The following DRC1 variants were observed in gnomAD, a reference collection of about 807,000 sequenced individuals.
DRC1 encodes dynein regulatory complex subunit 1.
In DRC1, 74 loss-of-function variants were observed where a neutral mutation model predicts 98.7. The ratio of observed to expected loss-of-function variants is 0.75; its 90% CI spans 0.62 to 0.91. The LOEUF (loss-of-function observed/expected upper bound fraction) is 0.91, where lower values mean the gene tolerates loss of function less well. DRC1 is among the 40% of genes least tolerant of loss of function. The pLI is 0.00. For missense variants in DRC1, 875 were observed against 886.0 expected, an observed-to-expected ratio of 0.99 and a Z score of 0.16; for synonymous variants, 336 against 334.1, an observed-to-expected ratio of 1.01 and a Z score of -0.06.
Position 26,429,632 on chromosome 2 carries a change from T to A in DRC1, c.545T>A (p.Leu182Ter). ...NKLISELQQE[L>*]KTKDDQYVKD... is the part of the protein sequence containing the mutation. ...CTTTTACATGCTCTTTTCTAGGAGT[T>A]AAAAACAAAGGATGACCAGTATGTG... Residue 182 changes from leucine (L) to a stop codon, truncating the protein, a stop_gained, in exon 5 of 17, where the codon TTA becomes TAA. Coordinates refer to ENST00000288710, the MANE Select transcript of DRC1 (RefSeq NM_145038.5). LOFTEE classifies it high-confidence loss of function. The A allele has an allele frequency of 6.2e-7, 1 of 1,613,936 alleles. No homozygotes were observed. Among genetic ancestry groups the A allele is most frequent in the Admixed American group, 1.7e-5 (1 of 60,006 alleles).
chr2:26,426,586 C>T (rs113495998), intron 4 of DRC1, among the ~76,000 whole-genome samples: 9,073 of 151,922 alleles, frequency 0.06, 488 homozygotes, highest in African/African-American at 0.14. Context: ...AGGCTAGTCT[C>T]GAACTCCTGA....
At chr2:26,440,592 AT>A in intron 8 of DRC1, 75 bp downstream of exon 8, 1 of 1,469,644 alleles carries the variant, frequency 6.8e-7, no homozygotes, top group Non-Finnish European at 9.0e-7. Context: ...ACTTTTTTCT[AT>A]TGAAGGGGTA....
At position 26,454,478 on chromosome 2, in the gene DRC1, C is replaced by T. The variant is rs767041823; in HGVS notation, c.1920-169C>T. ...GGTACCGGTGGTACCGAGGCAGGAA[C>T]GTTGACAATAAGCATGCGTCCTTTC... On this transcript the variant is annotated intron_variant, in intron 14 of 16. Coordinates refer to ENST00000288710, the MANE Select transcript of DRC1 (RefSeq NM_145038.5). This position sits in a 1 kb window ranked among gnomAD's most constrained non-coding sequence, Gnocchi z 5.2. Among the ~76,000 whole-genome samples the T allele has an allele frequency of 6.6e-6, 1 of 152,068 alleles. No individual in the cohort carries two copies. The highest frequency in any genetic ancestry group is 2.4e-5 in the African/African-American group (1 of 41,390).
intron 13 of DRC1, among the ~76,000 whole-genome samples, chr2:26,452,383 GT>G (rs1452283196): frequency 6.6e-6 from 1 of 152,176 alleles, no homozygotes; most frequent in East Asian, 1.9e-4. Context: ...AGCCTCCTGA[GT>G]AGCTGGGATT....
chr2:26,436,707 T>C (rs1266044819), intron 7 of DRC1, among the ~76,000 whole-genome samples: 1 of 152,018 alleles, frequency 6.6e-6, no homozygotes, highest in Non-Finnish European at 1.5e-5. Flanking sequence ...GTTCACATGC[T>C]CTTGTTGTAT....
chr2:26,448,797 C>T lies in DRC1; in HGVS notation c.1503C>T (p.Asp501=), dbSNP rs139876504. ...TTKRILMLLC[D]ESGFLIESKL... is the part of the protein sequence containing the mutation. ...AGAGGATCCTGATGCTCCTGTGTGACGAGTCGGTGAGGCCAGGCGGGGGCT... is the reference window on the plus strand; with the variant it reads ...AGAGGATCCTGATGCTCCTGTGTGATGAGTCGGTGAGGCCAGGCGGGGGCT... The change falls in exon 11 of 17, where the codon GAC becomes GAT. Residue 501 remains aspartate, a synonymous_variant. Coordinates refer to ENST00000288710, the MANE Select transcript of DRC1 (RefSeq NM_145038.5). 35 of 1,614,068 alleles carry T rather than the reference C, an allele frequency of 2.2e-5. No homozygotes were observed. The highest frequency in any genetic ancestry group is 2.7e-5 in the African/African-American group (2 of 75,058).
At chr2:26,402,658 C>A (rs1335325122) in intron 1 of DRC1, among the ~76,000 whole-genome samples, 1 of 152,230 alleles carries the variant, frequency 6.6e-6, no homozygotes, top group Non-Finnish European at 1.5e-5. Context: ...GTTTCCTTCT[C>A]TGTAGAGGAT....
chr2:26,424,280 G>A lies in DRC1; in HGVS notation c.366G>A (p.Lys122=). ...EEEIKRQRIE[K]LENEVKTSQD... is the part of the protein sequence containing the mutation. ...ATGTATGTATTTGCAGGATTGAGAA[G>A]CTGGAGAATGAAGTTAAGACCAGCC... Residue 122 remains lysine (K), a synonymous_variant, in exon 4 of 17, where the codon AAG becomes AAA. Coordinates refer to ENST00000288710, the MANE Select transcript of DRC1 (RefSeq NM_145038.5). 1 of 1,613,990 alleles carries A rather than the reference G, an allele frequency of 6.2e-7. No individual in the cohort carries two copies. The highest frequency in any genetic ancestry group is 1.1e-5 in the South Asian group (1 of 91,074).
intron 4 of DRC1, among the ~76,000 whole-genome samples, chr2:26,425,381 A>G (rs906589182): frequency 6.6e-6 from 1 of 152,222 alleles, no homozygotes; most frequent in African/African-American, 2.4e-5. Context: ...GCTGCTATGA[A>G]CATGGGTATA....
intron 7 of DRC1, among the ~76,000 whole-genome samples, chr2:26,433,174 A>G (rs1361030587): frequency 6.6e-6 from 1 of 152,234 alleles, no homozygotes; most frequent in East Asian, 1.9e-4. Context: ...TTCCAAGCCT[A>G]GGATTCTGTT....
At position 26,402,174 on chromosome 2, in the gene DRC1, C is replaced by A. The variant is rs13003230; in HGVS notation, c.155+30C>A. On this transcript the variant is annotated intron_variant, in intron 1 of 16. Transcript: ENST00000288710. Reference sequence around the variant, plus strand: ...GCGCGGGGGCGGGCGGGGCGGGATCCGCGCCGCAGGAGCCGGAGAAGGGCT... The same window carrying A: ...GCGCGGGGGCGGGCGGGGCGGGATCAGCGCCGCAGGAGCCGGAGAAGGGCT... The A allele has an allele frequency of 0.49, 757,856 of 1,542,476 alleles. 195,903 individuals carry two copies. The highest frequency in any genetic ancestry group is 0.53 in the Non-Finnish European group (613,624 of 1,149,210).
At chr2:26,444,660 G>A in intron 9 of DRC1, 56 bp from the exon 10 acceptor site, 3 of 1,512,736 alleles carry the variant, frequency 2.0e-6, no homozygotes, top group Non-Finnish European at 2.7e-6. Flanking sequence ...CTATTTGAGG[G>A]GACCCTGGCC....
At chr2:26,452,780 A>G (rs943225612) in intron 13 of DRC1, among the ~76,000 whole-genome samples, 7 of 152,230 alleles carry the variant, frequency 4.6e-5, no homozygotes, top group Non-Finnish European at 7.3e-5. Context: ...GTAAAAGCAA[A>G]CTACAGAACT....
At chr2:26,407,779 G>A (rs1258570332) in intron 1 of DRC1, among the ~76,000 whole-genome samples, 1 of 151,902 alleles carries the variant, frequency 6.6e-6, no homozygotes, top group Non-Finnish European at 1.5e-5. Context: ...CACAGATCCT[G>A]GACTTGTGCC....
At position 26,412,223 on chromosome 2, in the gene DRC1, G is replaced by T. The variant is rs577978849; in HGVS notation, c.156-2121G>T. The stretch of plus-strand genomic sequence containing the variant: ...AAAGGGAGTAGAGATGGAAGTCAGA[G>T]TTAGAAAAAGTCAAGAAAGAATGAG... On this transcript the variant is annotated intron_variant, in intron 1 of 16. Transcript: ENST00000288710. Among the ~76,000 whole-genome samples, 11 of 152,240 alleles carry T rather than the reference G, an allele frequency of 7.2e-5. No individual in the cohort carries two copies. The South Asian group carries it at 2.1e-3, about 29-fold the overall frequency.
At chr2:26,427,415 C>CT (rs901032299) in intron 4 of DRC1, among the ~76,000 whole-genome samples, 27 of 151,060 alleles carry the variant, frequency 1.8e-4, no homozygotes, top group South Asian at 1.3e-3. Context: ...CGCACCTGAG[C>CT]TTTTTTTTTA....
intron 8 of DRC1, among the ~76,000 whole-genome samples, chr2:26,441,396 A>T (rs1663713595): frequency 1.3e-5 from 2 of 152,218 alleles, no homozygotes; most frequent in African/African-American, 4.8e-5. Flanking sequence ...ACAGAAAATG[A>T]TACTGAATAA....
At position 26,455,000 on chromosome 2, in the gene DRC1, G is replaced by T; in HGVS notation, c.2064-131G>T. 7.4e-7 allele frequency: 1 copy of T among 1,352,766 alleles called. No individual in the cohort carries two copies. The highest frequency in any genetic ancestry group is 1.2e-5 in the South Asian group (1 of 82,710). 83.8% of individuals were successfully genotyped at this position (1,352,766 alleles called of 1,614,324 possible). A position where few individuals can be genotyped will look rare whatever the true frequency, so the allele number is the denominator to read the frequency against. ...TTCCTGCTAACCTGGCTCACCTGGC[G>T]GCTGGGTGAAGAGTGTAGCTTCTGG... On this transcript the variant is annotated intron_variant, in intron 15 of 16. Coordinates refer to ENST00000288710, the MANE Select transcript of DRC1 (RefSeq NM_145038.5). The surrounding 1 kb of genome is among the most constrained non-coding windows in gnomAD (Gnocchi z 5.2).
chr2:26,428,584 G>A (rs1663345309), intron 4 of DRC1, among the ~76,000 whole-genome samples: 1 of 152,158 alleles, frequency 6.6e-6, no homozygotes, highest in Non-Finnish European at 1.5e-5. Flanking sequence ...GGATCACGAG[G>A]TCAGGATATC....
Sources: gnomAD v4.1 joint callset for allele counts (sites outside exome capture counted in the v4.1 genomes callset) on GRCh38, gnomAD v4.1.1 for gene constraint, Gnocchi (gnomAD v3.1) non-coding constraint, MANE v1.5 for transcripts, NCBI Gene and HGNC (gene_info 2026-07-23, HGNC 2026-07-21) for gene names.